The following MBTD1 variants were observed in gnomAD, a reference collection of about 807,000 sequenced individuals.
MBTD1 encodes the protein MBT domain-containing protein 1.
MBTD1 carries 24 observed loss-of-function variants against 87.8 expected under a neutral mutation model. The observed-to-expected ratio is 0.27, with a 90% CI of 0.20 to 0.38. The LOEUF is 0.38. Ranked by LOEUF, MBTD1 falls within the 10% of genes least tolerant of loss-of-function variation. The pLI is 1.00. For missense variants in MBTD1, 436 were observed against 760.2 expected (o/e 0.57, Z 5.02); for synonymous variants, 237 against 248.6 (o/e 0.95, Z 0.44).
At chr17:51,252,765 A>C (rs1049279026) in intron 2 of MBTD1, among the ~76,000 whole-genome samples, 4 of 151,864 alleles carry the variant, frequency 2.6e-5, no homozygotes, top group Admixed American at 1.3e-4. Flanking sequence ...ACAAAACCCC[A>C]AAAAACTGCA....
chr17:51,253,242 G>A (rs527651589), intron 2 of MBTD1, among the ~76,000 whole-genome samples: 15 of 152,052 alleles, frequency 9.9e-5, no homozygotes, highest in African/African-American at 2.9e-4. Flanking sequence ...CTATCTTTCC[G>A]GAAGGCAATT....
At chr17:51,204,006 A>G in intron 7 of MBTD1, 81 bp from the exon 8 acceptor site, 1 of 1,107,788 alleles carries the variant, frequency 9.0e-7, no homozygotes, top group Non-Finnish European at 1.3e-6. Flanking sequence ...CAGTTGTCAA[A>G]CTAGTGTCTA....
chr17:51,259,916 C>G lies in MBTD1; in HGVS notation c.-194G>C. ...GAGCCCGCGGCGCCCCCTCCCCGGG[C>G]TGGGGGCAGGTGCCTCTCCCCGGGA... is the stretch of plus-strand genomic sequence containing the variant. On this transcript the variant is annotated 5_prime_UTR_variant, in exon 1 of 17. Transcript: ENST00000586178. 8.2e-7 allele frequency: 1 copy of G among 1,226,246 alleles called. No individual in the cohort carries two copies. The highest frequency in any genetic ancestry group is 1.0e-6 in the Non-Finnish European group (1 of 982,686). 76.0% of individuals were successfully genotyped at this position (1,226,246 alleles called of 1,614,324 possible). A position where few individuals can be genotyped will look rare whatever the true frequency, so the allele number is the denominator to read the frequency against.
At chr17:51,202,996 G>C in intron 9 of MBTD1, 61 bp from the exon 10 acceptor site, 1 of 1,379,158 alleles carries the variant, frequency 7.3e-7, no homozygotes, top group South Asian at 1.2e-5. Context: ...AGAAATTTTT[G>C]TATTATACTG....
chr17:51,217,382 G>T lies in MBTD1; in HGVS notation c.438C>A (p.Tyr146Ter). ...CTGCTATAAAGCTATTGCTATTGAT[G>T]TAGTTACCCCAGCTGAAACCTTCCA... is the stretch of plus-strand genomic sequence containing the variant. ...VSMEGFSWGN[Y>*]INSNSFIAAP... The change falls in exon 6 of 17, where the codon TAC (tyrosine) becomes TAA (stop). Residue 146 changes from tyrosine (Y) to a stop codon, truncating the protein, a stop_gained. Transcript: ENST00000586178. LOFTEE classifies it high-confidence loss of function. 1 of 1,539,040 alleles carries T rather than the reference G, an allele frequency of 6.5e-7. No homozygotes were observed. The highest frequency in any genetic ancestry group is 8.8e-7 in the Non-Finnish European group (1 of 1,141,420).
At chr17:51,188,766 T>TG (rs2050663591) in intron 16 of MBTD1, among the ~76,000 whole-genome samples, 1 of 150,430 alleles carries the variant, frequency 6.6e-6, no homozygotes, top group African/African-American at 2.5e-5. Flanking sequence ...TTTTTTTTTT[T>TG]TTTTTTTTTT....
chr17:51,235,625 C>T lies in MBTD1; in HGVS notation c.-48-10416G>A, dbSNP rs115595071. 7.9e-3 allele frequency among the ~76,000 whole-genome samples: 1,202 copies of T among 152,270 alleles called. 17 individuals carry two copies. Among genetic ancestry groups the T allele is most frequent in the African/African-American group, 0.027 (1,142 of 41,534 alleles). On this transcript the variant is annotated intron_variant, in intron 2 of 16. Coordinates refer to ENST00000586178, the MANE Select transcript of MBTD1 (RefSeq NM_017643.3). ...CACCTTGAAATATGCAGAAAATGCA[C>T]TTGACAAAAATCTAACATTGATTCC...
intron 6 of MBTD1, chr17:51,209,483 T>C (rs1301867151): frequency 4.2e-6 from 2 of 470,946 alleles, no homozygotes; most frequent in Non-Finnish European, 8.8e-6. Context: ...ATCCAAATGC[T>C]GAGGGGTCCC....
intron 5 of MBTD1, among the ~76,000 whole-genome samples, chr17:51,218,639 T>C (rs1409834654): frequency 6.6e-6 from 1 of 152,128 alleles, no homozygotes; most frequent in Non-Finnish European, 1.5e-5. Flanking sequence ...AACATCCCAT[T>C]TCTTTGCCTA....
intron 2 of MBTD1, chr17:51,256,431 G>A (rs1273010209): frequency 2.0e-5 from 3 of 152,200 alleles, no homozygotes; most frequent in Non-Finnish European, 4.4e-5. Context: ...TCCTAATGGA[G>A]TGTTTCCCTA....
chr17:51,237,295 C>CAA lies in MBTD1; in HGVS notation c.-48-12088_-48-12087dup, dbSNP rs368805446. Among the ~76,000 whole-genome samples the CAA allele has an allele frequency of 8.7e-3, 527 of 60,272 alleles. 10 individuals are homozygous for CAA. The highest frequency in any genetic ancestry group is 0.023 in the African/African-American group (406 of 18,010). The allele number at this position is 60,272 out of a possible 152,430, so 39.5% of individuals were successfully genotyped here. On this transcript the variant is annotated intron_variant, in intron 2 of 16. Coordinates refer to ENST00000586178, the MANE Select transcript of MBTD1 (RefSeq NM_017643.3). ...TGGGTGATGGTGTGAGACTCCATCT[C>CAA]AAAAAAAAAAAAAAAAAAAAGAAAA... is the stretch of plus-strand genomic sequence containing the variant.
chr17:51,200,769 C>A (rs1030544133), intron 12 of MBTD1, among the ~76,000 whole-genome samples: 2 of 144,096 alleles, frequency 1.4e-5, no homozygotes, highest in African/African-American at 2.5e-5. Context: ...GGGGCCGAGG[C>A]AGGAGGATCA....
At chr17:51,212,438 CTTTTT>C (rs59653419) in intron 6 of MBTD1, among the ~76,000 whole-genome samples, 1 of 136,240 alleles carries the variant, frequency 7.3e-6, no homozygotes, top group Admixed American at 7.4e-5. Context: ...GTACAAATGA[CTTTTT>C]TTTTTTTTTT....
intron 6 of MBTD1, 63 bp from the exon 7 acceptor site, chr17:51,207,068 A>C (rs2051886218): frequency 2.1e-5 from 18 of 857,526 alleles, no homozygotes; most frequent in Non-Finnish European, 3.5e-5. Flanking sequence ...ATATCAATGA[A>C]AATTAAGCAG....
intron 7 of MBTD1, 44 bp downstream of exon 7, chr17:51,206,844 A>G (rs544619403): frequency 1.6e-6 from 2 of 1,289,972 alleles, no homozygotes; most frequent in East Asian, 2.3e-5. Flanking sequence ...AAAGGTTACA[A>G]GGATCTCTGC....
intron 2 of MBTD1, among the ~76,000 whole-genome samples, chr17:51,232,962 G>A (rs1308564625): frequency 6.8e-6 from 1 of 148,092 alleles, no homozygotes; most frequent in Non-Finnish European, 1.5e-5. Flanking sequence ...TGAGATGAGA[G>A]GATCACTTGA....
At chr17:51,250,498 C>T (rs2144190510) in intron 2 of MBTD1, 1 of 152,346 alleles carries the variant, frequency 6.6e-6, no homozygotes, top group East Asian at 1.9e-4. Context: ...ACCTGGACAA[C>T]AGTTAGCTGG....
At chr17:51,246,271 T>G (rs112579634) in intron 2 of MBTD1, among the ~76,000 whole-genome samples, 2 of 152,316 alleles carry the variant, frequency 1.3e-5, no homozygotes, top group African/African-American at 4.8e-5. Flanking sequence ...TAAAAAAAAT[T>G]TTGTGCATCA....
intron 6 of MBTD1, among the ~76,000 whole-genome samples, chr17:51,213,578 A>G (rs2052385100): frequency 6.6e-6 from 1 of 152,126 alleles, no homozygotes; most frequent in Non-Finnish European, 1.5e-5. Context: ...ATTATGAAAA[A>G]TGGGTTAAAG....
Sources: gnomAD v4.1 joint callset for allele counts (sites outside exome capture counted in the v4.1 genomes callset) on GRCh38, gnomAD v4.1.1 for gene constraint, MANE v1.5 for transcripts, NCBI Gene and HGNC (gene_info 2026-07-23, HGNC 2026-07-21) for gene names.